ELP2: variants seen among roughly 807,000 people sequenced by gnomAD.
The protein encoded by ELP2 is elongator acetyltransferase complex subunit 2.
ELP2 carries 90 observed loss-of-function variants against 119.2 expected under a neutral mutation model. The observed-to-expected ratio is 0.75, with a 90% CI of 0.64 to 0.90. The LOEUF is 0.90. Ranked by LOEUF, ELP2 falls within the 40% of genes least tolerant of loss-of-function variation. The pLI is 0.00. For missense variants in ELP2, 921 were observed against 967.8 expected, an observed-to-expected ratio of 0.95 and a Z score of 0.64; for synonymous variants, 339 against 331.0, an observed-to-expected ratio of 1.02 and a Z score of -0.26.
At chr18:36,152,048 G>T (rs1233204602) in intron 11 of ELP2, among the ~76,000 whole-genome samples, 1 of 151,858 alleles carries the variant, frequency 6.6e-6, no homozygotes, top group African/African-American at 2.4e-5. Flanking sequence ...ACCATGCCCA[G>T]CCAGTTCTGG....
Position 36,177,468 on chromosome 18 carries a change from A to G in ELP2, c.*2827A>G, listed in dbSNP as rs146874579. On this transcript the variant is annotated 3_prime_UTR_variant, in exon 22 of 22. Coordinates refer to ENST00000358232, the MANE Select transcript of ELP2 (RefSeq NM_018255.4). ...ATCTAGAGCAGTCAAATGCATAGAA[A>G]CAAGTAGAATGGTAGTTGCCAAGGA... The G allele has an allele frequency of 1.0e-3, 158 of 152,338 alleles. No individual in the cohort carries two copies. Among genetic ancestry groups the G allele is most frequent in the African/African-American group, 3.6e-3 (149 of 41,564 alleles). 9.4% of individuals were successfully genotyped at this position (152,338 alleles called of 1,614,324 possible).
At chr18:36,130,372 A>G (rs1283871994) in intron 1 of ELP2, among the ~76,000 whole-genome samples, 1 of 152,246 alleles carries the variant, frequency 6.6e-6, no homozygotes, top group Non-Finnish European at 1.5e-5. Flanking sequence ...TTCCTTGGGA[A>G]CTGTAGTACC....
chr18:36,168,892 A>C (rs938958615), intron 19 of ELP2, among the ~76,000 whole-genome samples: 1 of 138,732 alleles, frequency 7.2e-6, no homozygotes, highest in Non-Finnish European at 1.5e-5. Context: ...ACTGTTGTCC[A>C]CTTCACTTCT....
intron 12 of ELP2, among the ~76,000 whole-genome samples, chr18:36,155,273 C>CT (rs1555642075): frequency 6.8e-6 from 1 of 146,208 alleles, no homozygotes; most frequent in Admixed American, 6.8e-5. Context: ...CTCCCCCCCC[C>CT]CCGCCTCCCA....
intron 1 of ELP2, among the ~76,000 whole-genome samples, chr18:36,132,021 G>C (rs367582006): frequency 7.5e-6 from 1 of 133,268 alleles, no homozygotes. Context: ...AGTGATTCTC[G>C]TGCCTCAGCC....
intron 1 of ELP2, among the ~76,000 whole-genome samples, chr18:36,132,774 A>G (rs905625345): frequency 2.0e-5 from 3 of 151,262 alleles, no homozygotes; most frequent in African/African-American, 7.3e-5. Context: ...TGCAAAGTGA[A>G]CTGTGCTTGT....
In ELP2 at chr18:36,169,228, C is replaced by G. The variant is rs534345610; in HGVS notation, c.2077-835C>G. Among the ~76,000 whole-genome samples, 86 of 151,704 alleles carry G rather than the reference C, an allele frequency of 5.7e-4. 2 individuals carry two copies. In the Middle Eastern group the frequency reaches 0.014, roughly 24 times the overall value. ...GGTGTGAGCCACCACGCTCAGCCTGCTCTCCATTTCTTTGTGACCATTCAC... is the reference window on the plus strand; with the variant it reads ...GGTGTGAGCCACCACGCTCAGCCTGGTCTCCATTTCTTTGTGACCATTCAC... On this transcript the variant is annotated intron_variant, in intron 19 of 21. Transcript: ENST00000358232.
chr18:36,171,825 TC>T (rs2091090111), intron 21 of ELP2, among the ~76,000 whole-genome samples: 1 of 152,206 alleles, frequency 6.6e-6, no homozygotes, highest in African/African-American at 2.4e-5. Flanking sequence ...CAATCAGTCT[TC>T]CTACCTCAGC....
At chr18:36,171,249 G>A in intron 21 of ELP2, 89 bp downstream of exon 21, 1 of 838,052 alleles carries the variant, frequency 1.2e-6, no homozygotes, top group African/African-American at 1.7e-5. Context: ...TTCATGGAGA[G>A]GGACATATAT....
chr18:36,145,067 C>A (rs2090155655), intron 9 of ELP2, 33 bp downstream of exon 9: 2 of 1,513,550 alleles, frequency 1.3e-6, no homozygotes, highest in African/African-American at 1.4e-5. Context: ...ATCCCTTACT[C>A]CAGTTAAATC....
chr18:36,159,338 C>G (rs187881209), intron 14 of ELP2, among the ~76,000 whole-genome samples: 1 of 152,240 alleles, frequency 6.6e-6, no homozygotes, highest in East Asian at 1.9e-4. Context: ...GTCTGGAACT[C>G]CTGACCTCAG....
chr18:36,160,399 A>AC (rs1169985993), intron 16 of ELP2, among the ~76,000 whole-genome samples: 1 of 151,808 alleles, frequency 6.6e-6, no homozygotes, highest in African/African-American at 2.4e-5. Context: ...ACATAGCGAG[A>AC]CCCCATCTCT....
chr18:36,137,784 A>G (rs2089878628), intron 3 of ELP2, among the ~76,000 whole-genome samples: 1 of 144,010 alleles, frequency 6.9e-6, no homozygotes, highest in Admixed American at 7.2e-5. Context: ...TCAATCCCAA[A>G]GTATACTCAT....
At chr18:36,136,672 A>G (rs1311660434) in intron 3 of ELP2, 1 of 332,724 alleles carries the variant, frequency 3.0e-6, no homozygotes, top group African/African-American at 2.1e-5. Context: ...TTGTTCTTTT[A>G]TGAAGTTAAT....
At chr18:36,157,797 A>G (rs2090617486) in intron 13 of ELP2, among the ~76,000 whole-genome samples, 1 of 152,232 alleles carries the variant, frequency 6.6e-6, no homozygotes, top group African/African-American at 2.4e-5. Flanking sequence ...ATAATGGACA[A>G]TAGGAACAAG....
intron 2 of ELP2, among the ~76,000 whole-genome samples, chr18:36,135,200 A>C (rs1299682402): frequency 2.6e-5 from 4 of 152,250 alleles, no homozygotes; most frequent in Non-Finnish European, 5.9e-5. Flanking sequence ...GTGAGGTTAC[A>C]TAAAATGGAT....
chr18:36,132,320 A>G (rs1325896249), intron 1 of ELP2, among the ~76,000 whole-genome samples: 1 of 152,228 alleles, frequency 6.6e-6, no homozygotes, highest in East Asian at 1.9e-4. Context: ...TGATGACACA[A>G]GGTAATGAGT....
intron 9 of ELP2, among the ~76,000 whole-genome samples, chr18:36,145,525 A>C (rs945032633): frequency 2.0e-5 from 3 of 152,198 alleles, no homozygotes; most frequent in Admixed American, 1.3e-4. Context: ...ATAGCCTCAC[A>C]TTCTTCCCTG....
At chr18:36,140,067 C>G (rs561444270) in intron 5 of ELP2, among the ~76,000 whole-genome samples, 50 of 151,716 alleles carry the variant, frequency 3.3e-4, no homozygotes, top group African/African-American at 1.2e-3. Context: ...TGGTCTTGGA[C>G]TCCTGGCTTC....
Sources: gnomAD v4.1 joint callset for allele counts (sites outside exome capture counted in the v4.1 genomes callset) on GRCh38, gnomAD v4.1.1 for gene constraint, MANE v1.5 for transcripts, NCBI Gene and HGNC (gene_info 2026-07-23, HGNC 2026-07-21) for gene names.